The following EZH2 variants were observed in gnomAD, a reference collection of about 807,000 sequenced individuals.
EZH2 encodes the protein histone-lysine N-methyltransferase EZH2.
Under a neutral mutation model 98.4 loss-of-function variants are expected in EZH2, and 18 were observed. That is an observed-to-expected ratio of 0.18 (90% CI 0.13 to 0.27). The LOEUF (loss-of-function observed/expected upper bound fraction) is 0.27. Among genes scored for constraint, EZH2 ranks in the 10% least tolerant of loss-of-function variants. The pLI is 1.00. For missense variants in EZH2, 470 were observed against 935.1 expected (o/e 0.50, Z 6.49); for synonymous variants, 338 against 312.3 (o/e 1.08, Z -0.87).
chr7:148,872,535 T>C (rs935141756), intron 1 of EZH2, among the ~76,000 whole-genome samples: 2 of 152,244 alleles, frequency 1.3e-5, no homozygotes, highest in Non-Finnish European at 2.9e-5. Flanking sequence ...AGAAACTACA[T>C]GTATATTAGG....
chr7:148,810,518 C>T (rs757029984), intron 16 of EZH2, 104 bp from the exon 17 acceptor site: 38 of 697,636 alleles, frequency 5.4e-5, no homozygotes, highest in Non-Finnish European at 9.1e-5. Context: ...CTGGAGAAAA[C>T]GCAACAAAAA....
At chr7:148,866,705 CAT>C (rs144369497) in intron 1 of EZH2, among the ~76,000 whole-genome samples, 1,875 of 143,802 alleles carry the variant, frequency 0.013, 39 homozygotes, top group African/African-American at 0.044. Context: ...TACATATATG[CAT>C]ATATATATAT....
chr7:148,828,481 G>C (rs1304051312), intron 6 of EZH2, among the ~76,000 whole-genome samples: 2 of 151,994 alleles, frequency 1.3e-5, no homozygotes, highest in South Asian at 2.1e-4. Context: ...GTAGAGATGG[G>C]GTCTCACTAT....
chr7:148,878,243 C>T (rs1358519329), intron 1 of EZH2, among the ~76,000 whole-genome samples: 1 of 152,094 alleles, frequency 6.6e-6, no homozygotes, highest in Non-Finnish European at 1.5e-5. Context: ...CAAACAGAAA[C>T]TCTGTATTCA....
At chr7:148,809,221 C>T (rs1410119283) in intron 18 of EZH2, 66 bp from the exon 19 acceptor site, 11 of 1,586,182 alleles carry the variant, frequency 6.9e-6, no homozygotes, top group African/African-American at 1.3e-5. Context: ...CTGACTTGTT[C>T]ACATAACAAA....
intron 11 of EZH2, 82 bp from the exon 12 acceptor site, chr7:148,816,860 T>C (rs907469876): frequency 1.0e-6 from 1 of 986,028 alleles, no homozygotes; most frequent in Admixed American, 1.8e-5. Flanking sequence ...ACCAGAAAAA[T>C]GTCTTTGTCT....
At position 148,809,084 on chromosome 7, in the gene EZH2, A is replaced by G; in HGVS notation, c.2182T>C (p.Phe728Leu). The change falls in exon 19 of 20, where the codon TTT becomes CTT. Residue 728 changes from phenylalanine (F) to leucine (L), a missense_variant. Coordinates refer to ENST00000320356, the MANE Select transcript of EZH2 (RefSeq NM_004456.5). ...KRAIQTGEEL[F>L]FDYRYSQADA... ...TACTTTACCAACCTGTAATCAAAAA[A>G]CAGCTCTTCGCCAGTCTGGATGGCT... The G allele has an allele frequency of 6.2e-7, 1 of 1,614,062 alleles. No individual in the cohort carries two copies. Among genetic ancestry groups the G allele is most frequent in the Non-Finnish European group, 8.5e-7 (1 of 1,179,940 alleles).
At chr7:148,866,669 T>C (rs556962039) in intron 1 of EZH2, among the ~76,000 whole-genome samples, 3 of 147,004 alleles carry the variant, frequency 2.0e-5, no homozygotes, top group Non-Finnish European at 3.0e-5. Flanking sequence ...TATATGCATA[T>C]ATATGTACGT....
chr7:148,815,184 G>A (rs767765036), intron 13 of EZH2, 145 bp from the exon 14 acceptor site: 4 of 1,128,806 alleles, frequency 3.5e-6, no homozygotes, highest in Non-Finnish European at 3.7e-6. Flanking sequence ...CACATATTCC[G>A]GTTTCCACAA....
At chr7:148,811,576 AAAGT>A (rs2129468958) in intron 16 of EZH2, 45 bp downstream of exon 16, 1 of 1,409,652 alleles carries the variant, frequency 7.1e-7, no homozygotes, top group African/African-American at 1.4e-5. Flanking sequence ...AAAATAAAGT[AAAGT>A]TAGTATATAC....
At chr7:148,876,133 A>T (rs1820131805) in intron 1 of EZH2, 2 of 152,078 alleles carry the variant, frequency 1.3e-5, no homozygotes, top group Non-Finnish European at 2.9e-5. Flanking sequence ...CTAAAACTAC[A>T]AAAATTAGCT....
intron 3 of EZH2, among the ~76,000 whole-genome samples, chr7:148,833,156 TAATAAG>T (rs919312170): frequency 3.3e-5 from 5 of 152,022 alleles, no homozygotes; most frequent in African/African-American, 4.8e-5. Flanking sequence ...AAATCTTACT[TAATAAG>T]AATAAGAAAA....
rs1379312477 is a variant in EZH2, at chr7:148,825,591, T to C, written c.907+863A>G. ...GGGCAAGCTTAAAAAGACGTTATCA[T>C]TGGTGAACGAGGAGGAATAAATCTG... On this transcript the variant is annotated intron_variant, in intron 8 of 19. Transcript: ENST00000320356. Among the ~76,000 whole-genome samples, 8 of 152,272 alleles carry C rather than the reference T, an allele frequency of 5.3e-5. No homozygotes were observed. The East Asian group carries it at 1.4e-3, about 26-fold the overall frequency.
At position 148,810,329 on chromosome 7, in the gene EZH2, A is replaced by G. The variant is rs1289326469; in HGVS notation, c.2029+4T>C. The G allele has an allele frequency of 8.7e-6, 14 of 1,602,658 alleles. No homozygotes were observed. The highest frequency in any genetic ancestry group is 7.7e-6 in the Non-Finnish European group (9 of 1,170,500). ...ACTCACTGCCTCCCAGCTCTGAAAC[A>G]TACCATTGTTCAAGTTGAACAGAAA... On this transcript the variant is annotated splice_donor_region_variant and intron_variant, in intron 17 of 19. Coordinates refer to ENST00000320356, the MANE Select transcript of EZH2 (RefSeq NM_004456.5).
chr7:148,850,322 A>G (rs1815384109), intron 1 of EZH2: 1 of 235,250 alleles, frequency 4.3e-6, no homozygotes, highest in Admixed American at 6.5e-5. Flanking sequence ...CTGGCTTACA[A>G]TTTATTTTTT....
chr7:148,862,913 G>A (rs1284784243), intron 1 of EZH2, among the ~76,000 whole-genome samples: 1 of 144,478 alleles, frequency 6.9e-6, no homozygotes, highest in Non-Finnish European at 1.5e-5. Context: ...GTTTGTTTTT[G>A]TTTTGTTTTG....
chr7:148,821,864 C>G (rs749575812), intron 8 of EZH2, among the ~76,000 whole-genome samples: 1 of 151,870 alleles, frequency 6.6e-6, no homozygotes, highest in African/African-American at 2.4e-5. Context: ...ATCTCTCTCT[C>G]TAAATAAATA....
At chr7:148,883,355 G>T (rs1016930250) in intron 1 of EZH2, 1 of 152,286 alleles carries the variant, frequency 6.6e-6, no homozygotes, top group African/African-American at 2.4e-5. Context: ...TCAATAGAGA[G>T]CAGAGCAGCT....
intron 8 of EZH2, among the ~76,000 whole-genome samples, chr7:148,821,763 T>C (rs1316121332): frequency 2.0e-5 from 3 of 152,240 alleles, no homozygotes; most frequent in South Asian, 2.1e-4. Flanking sequence ...GAAGTCAAGG[T>C]TGCAGTGAGC....
Sources: allele counts gnomAD v4.1 joint callset (sites outside exome capture counted in the v4.1 genomes callset), GRCh38; gene constraint gnomAD v4.1.1; transcripts MANE v1.5; gene names NCBI Gene and HGNC (gene_info 2026-07-23, HGNC 2026-07-21).